ACTR3C: variants seen among roughly 807,000 people sequenced by gnomAD.
The protein encoded by ACTR3C is actin-related protein 3C.
In ACTR3C, 18 loss-of-function variants were observed where a neutral mutation model predicts 26.3. That is an observed-to-expected ratio of 0.68 (90% CI 0.47 to 1.01). ACTR3C has a LOEUF of 1.01. Among genes scored for constraint, ACTR3C ranks in the 50% least tolerant of loss-of-function variants. ACTR3C has a pLI of 0.00. For missense variants in ACTR3C, 184 were observed against 250.7 expected (o/e 0.73, Z 1.80); for synonymous variants, 55 against 94.5 (o/e 0.58, Z 2.42).
At chr7:150,248,815 G>A in intron 7 of ACTR3C, 133 bp downstream of exon 7, 1 of 428,038 alleles carries the variant, frequency 2.3e-6, no homozygotes, top group East Asian at 3.4e-5. Context: ...GGGATTACCT[G>A]CAAAGAATTT....
At chr7:149,898,574 C>T in the ACTR3C span, among the ~76,000 whole-genome samples, 26 of 149,402 alleles carry the variant, frequency 1.7e-4, no homozygotes, top group African/African-American at 5.8e-4. Context: ...CATGGTGGTG[C>T]GCACCTGTAG....
At chr7:150,166,788 C>T in the ACTR3C span, among the ~76,000 whole-genome samples, 1 of 150,410 alleles carries the variant, frequency 6.6e-6, no homozygotes, top group African/African-American at 2.5e-5. Flanking sequence ...ACCCATTAAG[C>T]AACCTCTCTT....
chr7:149,968,004 G>A, the ACTR3C span, among the ~76,000 whole-genome samples: 3 of 152,148 alleles, frequency 2.0e-5, no homozygotes, highest in Admixed American at 1.3e-4. Flanking sequence ...TGCCCAGGAC[G>A]GCATATTCTG....
intron 1 of ACTR3C, among the ~76,000 whole-genome samples, chr7:150,315,982 G>A (rs193259859): frequency 5.3e-4 from 81 of 152,316 alleles, no homozygotes; most frequent in African/African-American, 1.7e-3. Context: ...TGGATCACCT[G>A]AGGTCAGGAG....
At chr7:150,094,503 G>A in the ACTR3C span, among the ~76,000 whole-genome samples, 1 of 150,518 alleles carries the variant, frequency 6.6e-6, no homozygotes. Flanking sequence ...TAGGGCCAAG[G>A]TCGGGGCAGA....
At chr7:150,125,446 A>G in the ACTR3C span, among the ~76,000 whole-genome samples, 14 of 125,030 alleles carry the variant, frequency 1.1e-4, no homozygotes, top group African/African-American at 3.9e-4. Context: ...AAATCTTTGT[A>G]GGCTTAAGTT....
the ACTR3C span, among the ~76,000 whole-genome samples, chr7:149,995,277 A>G: frequency 6.6e-6 from 1 of 152,246 alleles, no homozygotes; most frequent in Non-Finnish European, 1.5e-5. Flanking sequence ...TTCTGATAAG[A>G]TTTCCTCACT....
chr7:150,169,014 T>G, the ACTR3C span, among the ~76,000 whole-genome samples: 107 of 150,204 alleles, frequency 7.1e-4, 1 homozygote, highest in East Asian at 0.015. Context: ...GGGAAGTGGG[T>G]CCTTTGGGAA....
the ACTR3C span, among the ~76,000 whole-genome samples, chr7:149,918,799 C>T: frequency 0.33 from 50,399 of 152,108 alleles, 9,166 homozygotes; most frequent in East Asian, 0.46. Flanking sequence ...GAGGACCCAT[C>T]GTGCCTGACT....
the ACTR3C span, among the ~76,000 whole-genome samples, chr7:150,176,886 AAATTT>A: frequency 6.6e-6 from 1 of 150,944 alleles, no homozygotes; most frequent in Non-Finnish European, 1.5e-5. Flanking sequence ...ACAATTACAG[AAATTT>A]ATTTTATAAA....
the ACTR3C span, among the ~76,000 whole-genome samples, chr7:150,040,365 G>A: frequency 6.8e-6 from 1 of 148,024 alleles, no homozygotes; most frequent in East Asian, 2.0e-4. Flanking sequence ...GTCAGATCGG[G>A]TAGCCCCAGG....
At chr7:149,949,155 AAT>A in the ACTR3C span, among the ~76,000 whole-genome samples, 127 of 142,866 alleles carry the variant, frequency 8.9e-4, 14 homozygotes, top group African/African-American at 3.4e-3. Flanking sequence ...TTCTCTATTA[AAT>A]ATATATATAT....
At chr7:150,100,348 C>G in the ACTR3C span, among the ~76,000 whole-genome samples, 1 of 151,730 alleles carries the variant, frequency 6.6e-6, no homozygotes, top group South Asian at 2.1e-4. Flanking sequence ...GGCCTCCAAT[C>G]TGCAAGGAGC....
the ACTR3C span, among the ~76,000 whole-genome samples, chr7:150,025,475 T>G: frequency 6.8e-4 from 103 of 151,416 alleles, no homozygotes; most frequent in Non-Finnish European, 1.2e-3. Flanking sequence ...TTCCCTTGTA[T>G]CACACAGGGA....
intron 1 of ACTR3C, among the ~76,000 whole-genome samples, chr7:150,313,025 C>A (rs1179404507): frequency 1.3e-5 from 2 of 152,204 alleles, no homozygotes; most frequent in Non-Finnish European, 2.9e-5. Flanking sequence ...GATTAATTGA[C>A]CTTGTGACAT....
the ACTR3C span, among the ~76,000 whole-genome samples, chr7:150,113,833 C>T: frequency 4.6e-5 from 7 of 152,200 alleles, no homozygotes; most frequent in East Asian, 5.8e-4. Flanking sequence ...ATAATGTGAC[C>T]GTACTATAAA....
chr7:150,039,732 T>A, the ACTR3C span, among the ~76,000 whole-genome samples: 1 of 129,194 alleles, frequency 7.7e-6, no homozygotes, highest in Admixed American at 8.1e-5. Flanking sequence ...GTCCCCACCC[T>A]CGCGGGGGGT....
the ACTR3C span, among the ~76,000 whole-genome samples, chr7:150,107,451 G>T: frequency 2.0e-5 from 3 of 151,924 alleles, no homozygotes; most frequent in Non-Finnish European, 2.9e-5. Context: ...CATTGCATCA[G>T]CACTCTTGAA....
At chr7:150,085,108 C>T in the ACTR3C span, among the ~76,000 whole-genome samples, 8 of 152,004 alleles carry the variant, frequency 5.3e-5, no homozygotes, top group Admixed American at 1.3e-4. Flanking sequence ...GAGCAATGGC[C>T]GTGGGGATGA....
Sources: gnomAD v4.1 joint callset for allele counts (sites outside exome capture counted in the v4.1 genomes callset) on GRCh38, gnomAD v4.1.1 for gene constraint, MANE v1.5 for transcripts, NCBI Gene and HGNC (gene_info 2026-07-23, HGNC 2026-07-21) for gene names.